HDAC4: variants seen among roughly 807,000 people sequenced by gnomAD.
HDAC4 encodes histone deacetylase A.
A neutral mutation model predicts 135.1 loss-of-function variants in HDAC4; 16 were observed. That is an observed-to-expected ratio of 0.12 (90% CI 0.08 to 0.18). The LOEUF (loss-of-function observed/expected upper bound fraction) is 0.18. Among genes scored for constraint, HDAC4 ranks in the 10% least tolerant of loss-of-function variants. The pLI, the probability that HDAC4 is intolerant of heterozygous loss-of-function variation, is 1.00. For missense variants in HDAC4, 1,143 were observed against 1,511.8 expected (o/e 0.76, Z 4.05); for synonymous variants, 685 against 653.4 (o/e 1.05, Z -0.74).
intron 5 of HDAC4, among the ~76,000 whole-genome samples, chr2:239,166,576 G>C (rs967305158): frequency 6.6e-6 from 1 of 152,306 alleles, no homozygotes; most frequent in Non-Finnish European, 1.5e-5. Context: ...TGAACTGTCT[G>C]TCTGTAAGGG....
intron 3 of HDAC4, among the ~76,000 whole-genome samples, chr2:239,225,520 G>C (rs531761540): frequency 7.0e-4 from 107 of 152,348 alleles, no homozygotes; most frequent in East Asian, 4.4e-3. Context: ...CCCACCCCAG[G>C]GGGGGATGAG....
At chr2:239,082,351 G>T in intron 20 of HDAC4, 130 bp from the exon 21 acceptor site, 2 of 1,246,430 alleles carry the variant, frequency 1.6e-6, no homozygotes, top group Non-Finnish European at 2.3e-6. Flanking sequence ...TTACCCTCCA[G>T]CTGGGCCCGT....
chr2:239,190,188 T>G (rs2153043779), intron 3 of HDAC4, 111 bp from the exon 4 acceptor site: 1 of 1,402,202 alleles, frequency 7.1e-7, no homozygotes. Flanking sequence ...GGGGGGGTTG[T>G]GACCATTTGA....
intron 21 of HDAC4, 59 bp downstream of exon 21, chr2:239,082,043 C>T (rs1020847369): frequency 6.9e-6 from 11 of 1,596,172 alleles, no homozygotes; most frequent in Admixed American, 1.7e-5. Context: ...CCCCGTGCCC[C>T]CACAGCGGCT....
chr2:239,336,853 C>T (rs1691971916), intron 2 of HDAC4, among the ~76,000 whole-genome samples: 1 of 152,218 alleles, frequency 6.6e-6, no homozygotes, highest in African/African-American at 2.4e-5. Context: ...ATGTCTTTTA[C>T]TGTATTCCAA....
At chr2:239,107,368 G>A (rs367828720) in intron 15 of HDAC4, among the ~76,000 whole-genome samples, 7 of 152,252 alleles carry the variant, frequency 4.6e-5, no homozygotes, top group African/African-American at 1.4e-4. Context: ...AAGTGAGGCC[G>A]CTGCCATCGC....
chr2:239,170,065 A>C (rs1415059808), intron 5 of HDAC4, among the ~76,000 whole-genome samples: 1 of 152,230 alleles, frequency 6.6e-6, no homozygotes, highest in Non-Finnish European at 1.5e-5. Context: ...TTATTATTTC[A>C]AGAGTAAAAT....
chr2:239,174,015 C>T (rs2043604985), intron 5 of HDAC4, among the ~76,000 whole-genome samples: 1 of 152,142 alleles, frequency 6.6e-6, no homozygotes, highest in African/African-American at 2.4e-5. Context: ...ATCAGGTCTT[C>T]CTAATTTGAA....
rs752993921 is a variant in HDAC4 at position 239,176,371 on chromosome 2, C to G, written c.490+42G>C. On this transcript the variant is annotated intron_variant, in intron 5 of 26. Coordinates refer to ENST00000543185, the MANE Select transcript of HDAC4 (RefSeq NM_001378414.1). Reference sequence around the variant, plus strand: ...CCGTGCCCGCACCCCTCCCTCTGCCCGGCCTCCCTCCCTCTGCCTGGCCTT... The same window carrying G: ...CCGTGCCCGCACCCCTCCCTCTGCCGGGCCTCCCTCCCTCTGCCTGGCCTT... 2.5e-6 allele frequency: 4 copies of G among 1,580,096 alleles called. No homozygotes were observed. The Admixed American group carries it at 6.8e-5, about 27-fold the overall frequency.
intron 2 of HDAC4, among the ~76,000 whole-genome samples, chr2:239,282,518 C>T (rs1250862504): frequency 6.7e-6 from 1 of 148,746 alleles, no homozygotes; most frequent in East Asian, 2.0e-4. Flanking sequence ...AATGTACACA[C>T]CACTCTCAAT....
intron 25 of HDAC4, 76 bp downstream of exon 25, chr2:239,054,673 G>C: frequency 3.2e-6 from 3 of 929,274 alleles, no homozygotes; most frequent in Non-Finnish European, 5.4e-6. Context: ...GGGGGTATAG[G>C]GGGACAGGGA....
intron 11 of HDAC4, among the ~76,000 whole-genome samples, chr2:239,127,868 G>A (rs78826944): frequency 8.9e-4 from 135 of 152,366 alleles, no homozygotes; most frequent in African/African-American, 3.2e-3. Context: ...AGGGCTCGCA[G>A]GGCAGCTGGG....
intron 3 of HDAC4, among the ~76,000 whole-genome samples, chr2:239,199,728 G>C (rs1487365925): frequency 7.7e-6 from 1 of 129,592 alleles, no homozygotes; most frequent in Non-Finnish European, 1.6e-5. Context: ...GGGTCTTCCT[G>C]TACATTTCTT....
intron 3 of HDAC4, among the ~76,000 whole-genome samples, chr2:239,206,424 A>ATGGC (rs2046054982): frequency 6.6e-6 from 1 of 151,844 alleles, no homozygotes; most frequent in African/African-American, 2.4e-5. Flanking sequence ...ACACATGGGT[A>ATGGC]TGGCTGGTTG....
chr2:239,296,605 C>T (rs994062343), intron 2 of HDAC4, among the ~76,000 whole-genome samples: 1 of 152,128 alleles, frequency 6.6e-6, no homozygotes, highest in Non-Finnish European at 1.5e-5. Context: ...TTTAGGACTT[C>T]GCATTTATCT....
At chr2:239,354,980 T>C (rs992697842) in intron 1 of HDAC4, among the ~76,000 whole-genome samples, 10 of 152,040 alleles carry the variant, frequency 6.6e-5, no homozygotes, top group South Asian at 2.1e-4. Flanking sequence ...CCCCTCAACA[T>C]TGTAGGGAAG....
At chr2:239,218,278 C>A (rs919338406) in intron 3 of HDAC4, among the ~76,000 whole-genome samples, 1 of 151,920 alleles carries the variant, frequency 6.6e-6, no homozygotes, top group Non-Finnish European at 1.5e-5. Flanking sequence ...AGATATAGAT[C>A]AATGGAACAG....
intron 2 of HDAC4, among the ~76,000 whole-genome samples, chr2:239,251,497 A>C (rs981055149): frequency 2.0e-5 from 3 of 152,204 alleles, no homozygotes; most frequent in Admixed American, 2.0e-4. Flanking sequence ...TGGGAGGCTG[A>C]GGCACGAGGA....
At chr2:239,238,026 G>A (rs767336811) in intron 2 of HDAC4, among the ~76,000 whole-genome samples, 37 of 152,100 alleles carry the variant, frequency 2.4e-4, no homozygotes, top group Non-Finnish European at 4.0e-4. Context: ...CACCAGACCT[G>A]AGCAATCGCC....
Sources: allele counts gnomAD v4.1 joint callset (sites outside exome capture counted in the v4.1 genomes callset), GRCh38; gene constraint gnomAD v4.1.1; transcripts MANE v1.5; gene names NCBI Gene and HGNC (gene_info 2026-07-23, HGNC 2026-07-21).